RBFOX1: variants seen among roughly 807,000 people sequenced by gnomAD.
RBFOX1 encodes the protein RNA binding protein fox-1 homolog 1.
A neutral mutation model predicts 57.7 loss-of-function variants in RBFOX1; 8 were observed. The ratio of observed to expected loss-of-function variants is 0.14; its 90% CI spans 0.08 to 0.25. The LOEUF is 0.25. RBFOX1 is among the 10% of genes least tolerant of loss of function. The probability of loss-of-function intolerance (pLI) is 1.00; values close to 1 mark genes in which losing one functional copy is unlikely to be tolerated. For missense variants in RBFOX1, 611 were observed against 548.5 expected (o/e 1.11, Z -1.14); for synonymous variants, 326 against 222.4 (o/e 1.47, Z -4.15).
intron 3 of RBFOX1, among the ~76,000 whole-genome samples, chr16:6,664,966 T>G (rs76135844): frequency 0.018 from 2,806 of 152,310 alleles, 88 homozygotes; most frequent in African/African-American, 0.064. Context: ...ATGCATCCCA[T>G]GCACTGTTCT....
intron 3 of RBFOX1, among the ~76,000 whole-genome samples, chr16:6,915,549 CCT>C (rs1491525346): frequency 1.8e-5 from 2 of 113,000 alleles, no homozygotes; most frequent in East Asian, 2.4e-4. Flanking sequence ...CCCACACCCC[CCT>C]TTTTTTTTTT....
At chr16:5,953,108 G>T (rs1015868457) in intron 4 of RBFOX1, among the ~76,000 whole-genome samples, 2 of 150,310 alleles carry the variant, frequency 1.3e-5, no homozygotes, top group East Asian at 4.0e-4. Context: ...TGTGTCAATT[G>T]GTTGGGAGGG....
At chr16:6,258,572 A>C (rs924590112) in intron 1 of RBFOX1, among the ~76,000 whole-genome samples, 1 of 152,238 alleles carries the variant, frequency 6.6e-6, no homozygotes, top group African/African-American at 2.4e-5. Context: ...GATCAACTCC[A>C]GGGCAGTGTC....
At chr16:6,345,692 A>C (rs1422811553) in intron 2 of RBFOX1, among the ~76,000 whole-genome samples, 1 of 152,140 alleles carries the variant, frequency 6.6e-6, no homozygotes, top group African/African-American at 2.4e-5. Context: ...TTACATTCTA[A>C]AAGAGGGATC....
intron 4 of RBFOX1, among the ~76,000 whole-genome samples, chr16:7,153,622 C>T (rs1053522671): frequency 6.6e-6 from 1 of 150,522 alleles, no homozygotes; most frequent in Admixed American, 6.6e-5. Flanking sequence ...GGGAGGGGGG[C>T]GCCTATAATT....
At chr16:7,120,807 G>A (rs8054654) in intron 4 of RBFOX1, among the ~76,000 whole-genome samples, 131,808 of 145,382 alleles carry the variant, frequency 0.91, 59,905 homozygotes, top group East Asian at 1. Flanking sequence ...CAGGCTATAT[G>A]TAATATTTTA....
chr16:7,318,356 A>G (rs11864520), intron 4 of RBFOX1, among the ~76,000 whole-genome samples: 22,507 of 149,790 alleles, frequency 0.15, 2,286 homozygotes, highest in African/African-American at 0.3. Context: ...TGGTAGTTGC[A>G]GTGGTGGTGG....
At chr16:7,050,885 A>C (rs2049835287) in intron 3 of RBFOX1, among the ~76,000 whole-genome samples, 1 of 152,108 alleles carries the variant, frequency 6.6e-6, no homozygotes, top group Non-Finnish European at 1.5e-5. Context: ...TCTTAGTGGT[A>C]ATATTTCTGG....
At chr16:6,004,703 G>A (rs941644812) in intron 4 of RBFOX1, among the ~76,000 whole-genome samples, 13 of 152,146 alleles carry the variant, frequency 8.5e-5, no homozygotes, top group Admixed American at 7.2e-4. Context: ...GACTTTAGAG[G>A]TCCTCATCAG....
At chr16:6,511,898 G>A (rs1639161) in intron 2 of RBFOX1, among the ~76,000 whole-genome samples, 66,878 of 151,910 alleles carry the variant, frequency 0.44, 15,435 homozygotes, top group South Asian at 0.59. Flanking sequence ...CTCTTTGTAG[G>A]AGTGTCTATT....
rs148117725 is a variant in RBFOX1, at chr16:6,157,099, C to T, written c.-127+137107C>T. Reference sequence around the variant, plus strand: ...GATCCTCCACCATGGCCTCCCAAAGCGCTGGGATTAGAGGTGTGAGCCAAC... The same window carrying T: ...GATCCTCCACCATGGCCTCCCAAAGTGCTGGGATTAGAGGTGTGAGCCAAC... On this transcript the variant is annotated intron_variant, in intron 1 of 15. Transcript: ENST00000550418. Among the ~76,000 whole-genome samples the T allele has an allele frequency of 6.9e-3, 1,043 of 151,792 alleles. 11 individuals carry two copies. Among genetic ancestry groups the T allele is most frequent in the African/African-American group, 0.024 (978 of 41,406 alleles).
chr16:7,625,981 T>C (rs146651236), intron 10 of RBFOX1, among the ~76,000 whole-genome samples: 3 of 152,282 alleles, frequency 2.0e-5, no homozygotes, highest in South Asian at 2.1e-4. Context: ...ACTCATTAAA[T>C]AGATTACACA....
At chr16:7,663,105 T>C (rs1054659056) in intron 12 of RBFOX1, among the ~76,000 whole-genome samples, 1 of 152,234 alleles carries the variant, frequency 6.6e-6, no homozygotes, top group Non-Finnish European at 1.5e-5. Context: ...ATCAGTCCTG[T>C]GGTTTGGGAC....
intron 2 of RBFOX1, among the ~76,000 whole-genome samples, chr16:5,544,510 A>T (rs569123266): frequency 6.6e-6 from 1 of 152,176 alleles, no homozygotes; most frequent in Non-Finnish European, 1.5e-5. Flanking sequence ...CAAAATCAAC[A>T]CAAAGTAAGC....
intron 3 of RBFOX1, among the ~76,000 whole-genome samples, chr16:5,738,501 G>T (rs2052659499): frequency 6.6e-6 from 1 of 151,796 alleles, no homozygotes; most frequent in Admixed American, 6.6e-5. Context: ...GGTCGTGGTG[G>T]TGCACGTCTG....
intron 3 of RBFOX1, among the ~76,000 whole-genome samples, chr16:6,672,224 C>A (rs531874751): frequency 2.0e-4 from 31 of 152,258 alleles, no homozygotes; most frequent in Admixed American, 9.2e-4. Flanking sequence ...GAAATATAAT[C>A]ATTTCTTATA....
At chr16:6,736,901 G>C (rs539160789) in intron 3 of RBFOX1, among the ~76,000 whole-genome samples, 6 of 152,164 alleles carry the variant, frequency 3.9e-5, no homozygotes, top group Non-Finnish European at 7.3e-5. Flanking sequence ...TATAGACTTA[G>C]CAGGGAGGAG....
intron 4 of RBFOX1, among the ~76,000 whole-genome samples, chr16:5,945,876 C>A (rs538827501): frequency 6.6e-6 from 1 of 152,304 alleles, no homozygotes; most frequent in South Asian, 2.1e-4. Context: ...TATTTCAAAG[C>A]CCCTCCCACA....
intron 2 of RBFOX1, among the ~76,000 whole-genome samples, chr16:6,547,906 A>G (rs1234092669): frequency 3.3e-5 from 5 of 152,182 alleles, no homozygotes; most frequent in Admixed American, 2.0e-4. Flanking sequence ...ATGCTGACTA[A>G]ACCCCAGACT....
Sources: gnomAD v4.1 joint callset for allele counts (sites outside exome capture counted in the v4.1 genomes callset) on GRCh38, gnomAD v4.1.1 for gene constraint, MANE v1.5 for transcripts, NCBI Gene and HGNC (gene_info 2026-07-23, HGNC 2026-07-21) for gene names.